The following TOLLIP variants were observed in gnomAD, a reference collection of about 807,000 sequenced individuals.
TOLLIP encodes toll interacting protein, also known as toll-interacting protein.
Under a neutral mutation model 33.5 loss-of-function variants are expected in TOLLIP, and 16 were observed. The ratio of observed to expected loss-of-function variants is 0.48; its 90% CI spans 0.32 to 0.72. The LOEUF is 0.72. TOLLIP is among the 30% of genes least tolerant of loss of function. TOLLIP has a pLI of 0.03. For missense variants in TOLLIP, 325 were observed against 396.6 expected (o/e 0.82, Z 1.53); for synonymous variants, 176 against 163.7 (o/e 1.07, Z -0.57).
At chr11:1,295,463 C>T (rs767333579) in intron 2 of TOLLIP, 182 bp downstream of exon 2, 329 of 730,794 alleles carry the variant, frequency 4.5e-4, no homozygotes, top group Non-Finnish European at 5.7e-4. Context: ...TGGTAGAACC[C>T]GGGGTCAATG....
rs1554945256 is a variant in TOLLIP, at chr11:1,287,423, CCCTCCCCGCCGCAG to C, written c.519+1187_519+1200del. Among the ~76,000 whole-genome samples, 48 of 46,856 alleles carry C rather than the reference CCCTCCCCGCCGCAG, an allele frequency of 1.0e-3. 2 individuals are homozygous for C. The highest frequency in any genetic ancestry group is 1.9e-3 in the South Asian group (2 of 1,044). The allele number at this position is 46,856 out of a possible 152,430, so 30.7% of individuals were successfully genotyped here. On this transcript the variant is annotated intron_variant, in intron 4 of 5. Transcript: ENST00000317204. ...TCCCCGCCGCAGCCTCCCCGCCGCACCCTCCCCGCCGCAGCCTCCCCGCCGCACCCTCCCCGCCG... is the reference window on the plus strand; with the variant it reads ...TCCCCGCCGCAGCCTCCCCGCCGCACCCTCCCCGCCGCACCCTCCCCGCCG...
At position 1,309,626 on chromosome 11, in the gene TOLLIP, C is replaced by G. The variant is rs1590236113; in HGVS notation, c.-128G>C. On this transcript the variant is annotated 5_prime_UTR_variant, in exon 1 of 6. Transcript: ENST00000317204. ...GGCCGCCGCCGCCACAGTCAGCTGACAGCCGCCGCGCCCCGCCCCCGGCAC... is the reference window on the plus strand; with the variant it reads ...GGCCGCCGCCGCCACAGTCAGCTGAGAGCCGCCGCGCCCCGCCCCCGGCAC... The G allele has an allele frequency of 8.4e-6, 3 of 355,848 alleles. No homozygotes were observed. Among genetic ancestry groups the G allele is most frequent in the African/African-American group, 6.5e-5 (3 of 46,220 alleles). 22.0% of individuals were successfully genotyped at this position (355,848 alleles called of 1,614,324 possible).
intron 5 of TOLLIP, among the ~76,000 whole-genome samples, chr11:1,280,448 G>A (rs1863456316): frequency 6.6e-6 from 1 of 152,164 alleles, no homozygotes; most frequent in Non-Finnish European, 1.5e-5. Flanking sequence ...AGAAACCAGT[G>A]GGGGTTGTGC....
rs768744957 is a variant in TOLLIP, at chr11:1,276,849, G to A, written c.*190C>T. 9.7e-5 allele frequency: 148 copies of A among 1,533,246 alleles called. No homozygotes were observed. Among genetic ancestry groups the A allele is most frequent in the Non-Finnish European group, 1.2e-4 (134 of 1,145,294 alleles). The allele number at this position is 1,533,246 out of a possible 1,614,324, so 95.0% of individuals were successfully genotyped here. A position where few individuals can be genotyped will look rare whatever the true frequency, so the allele number is the denominator to read the frequency against. On this transcript the variant is annotated 3_prime_UTR_variant, in exon 6 of 6. Coordinates refer to ENST00000317204, the MANE Select transcript of TOLLIP (RefSeq NM_019009.4). ...GAGATGGGAGGGGAGCCCCCGCCCC[G>A]TCCTGGACCGCCAGGAACCGAAAAC... is the stretch of plus-strand genomic sequence containing the variant.
At chr11:1,285,699 G>C (rs919345938) in intron 5 of TOLLIP, among the ~76,000 whole-genome samples, 10 of 151,592 alleles carry the variant, frequency 6.6e-5, no homozygotes, top group Middle Eastern at 6.8e-3. Flanking sequence ...ACAGAGCTGG[G>C]CACAACGGGG....
intron 1 of TOLLIP, among the ~76,000 whole-genome samples, chr11:1,297,300 C>T (rs981819469): frequency 1.3e-5 from 2 of 152,174 alleles, no homozygotes. Flanking sequence ...ACCTGCTGTG[C>T]TCTGGGCGCC....
At chr11:1,294,210 CA>C (rs1864038749) in intron 2 of TOLLIP, among the ~76,000 whole-genome samples, 1 of 142,424 alleles carries the variant, frequency 7.0e-6, no homozygotes, top group Admixed American at 7.0e-5. Context: ...GTGTGGCTCA[CA>C]GTGTGTCTCC....
In TOLLIP at chr11:1,282,376, C is replaced by T. The variant is rs142306287; in HGVS notation, c.610+3626G>A. Among the ~76,000 whole-genome samples the T allele has an allele frequency of 3.2e-3, 489 of 152,148 alleles. 4 individuals are homozygous for T. Among genetic ancestry groups the T allele is most frequent in the African/African-American group, 0.011 (467 of 41,482 alleles). ...AGGAGAAATACCTAATGTTAAATGA[C>T]GAGTCAATGGGTGCAGCACACCAAC... On this transcript the variant is annotated intron_variant, in intron 5 of 5. Transcript: ENST00000317204.
intron 1 of TOLLIP, among the ~76,000 whole-genome samples, chr11:1,306,453 C>A (rs1052311777): frequency 6.6e-6 from 1 of 152,134 alleles, no homozygotes; most frequent in African/African-American, 2.4e-5. Context: ...GAGTCCTGCC[C>A]CCGGACCCTG....
chr11:1,300,953 T>C (rs1864257442), intron 1 of TOLLIP, among the ~76,000 whole-genome samples: 1 of 152,274 alleles, frequency 6.6e-6, no homozygotes, highest in African/African-American at 2.4e-5. Flanking sequence ...TGTGTCTGTG[T>C]GCCACGCATG....
chr11:1,309,510 G>A lies in TOLLIP; in HGVS notation c.-12C>T, dbSNP rs1414006456. 1 of 1,299,716 alleles carries A rather than the reference G, an allele frequency of 7.7e-7. No homozygotes were observed. Among genetic ancestry groups the A allele is most frequent in the Non-Finnish European group, 9.8e-7 (1 of 1,016,994 alleles). The allele number at this position is 1,299,716 out of a possible 1,614,324, so 80.5% of individuals were successfully genotyped here. ...ACGGTGGTCGCCATGGTGCTGCGGC[G>A]GCCCCCGTGGCTCGCCGACCCGACA... On this transcript the variant is annotated 5_prime_UTR_variant, in exon 1 of 6. Coordinates refer to ENST00000317204, the MANE Select transcript of TOLLIP (RefSeq NM_019009.4).
intron 1 of TOLLIP, among the ~76,000 whole-genome samples, chr11:1,304,126 G>A (rs532022421): frequency 2.6e-5 from 4 of 151,376 alleles, no homozygotes; most frequent in Non-Finnish European, 4.4e-5. Flanking sequence ...GGCCAAAAAC[G>A]AAGGAAAGCC....
At chr11:1,302,229 A>G (rs1364880905) in intron 1 of TOLLIP, among the ~76,000 whole-genome samples, 1 of 152,234 alleles carries the variant, frequency 6.6e-6, no homozygotes, top group Non-Finnish European at 1.5e-5. Flanking sequence ...GGCGTGCAAG[A>G]GGGCGGGAAC....
intron 1 of TOLLIP, among the ~76,000 whole-genome samples, chr11:1,300,824 C>T (rs1427582072): frequency 2.6e-5 from 4 of 152,220 alleles, no homozygotes; most frequent in Non-Finnish European, 5.9e-5. Context: ...GCTGGCCACA[C>T]GCAGGCGGCA....
intron 5 of TOLLIP, among the ~76,000 whole-genome samples, chr11:1,281,040 G>C (rs751847765): frequency 5.3e-5 from 8 of 152,242 alleles, no homozygotes; most frequent in Non-Finnish European, 1.2e-4. Context: ...CATGCTTCAT[G>C]AGGCCACGCG....
intron 1 of TOLLIP, among the ~76,000 whole-genome samples, chr11:1,304,126 G>T (rs532022421): frequency 6.6e-6 from 1 of 151,376 alleles, no homozygotes; most frequent in East Asian, 1.9e-4. Context: ...GGCCAAAAAC[G>T]AAGGAAAGCC....
At chr11:1,283,641 T>C (rs1863580321) in intron 5 of TOLLIP, 2 of 449,364 alleles carry the variant, frequency 4.5e-6, no homozygotes, top group South Asian at 3.2e-5. Flanking sequence ...TTTCCTAAAA[T>C]AAACGTTTTA....
At chr11:1,293,669 G>A (rs925968895) in intron 2 of TOLLIP, among the ~76,000 whole-genome samples, 1 of 152,262 alleles carries the variant, frequency 6.6e-6, no homozygotes, top group Non-Finnish European at 1.5e-5. Flanking sequence ...TCCAGGGTGC[G>A]GGAGAGGACC....
At position 1,302,889 on chromosome 11, in the gene TOLLIP, G is replaced by A. The variant is rs568354113; in HGVS notation, c.33+6577C>T. On this transcript the variant is annotated intron_variant, in intron 1 of 5. Transcript: ENST00000317204. ...AGCCCTCGCTGAGCACTCATTCGCC[G>A]TGCCTTGTCTCCCCTTCCGGGGCCT... 4.0e-3 allele frequency: 2,773 copies of A among 699,242 alleles called. 2 individuals carry two copies. Among genetic ancestry groups the A allele is most frequent in the Non-Finnish European group, 4.6e-3 (2,609 of 568,574 alleles). 43.3% of individuals were successfully genotyped at this position (699,242 alleles called of 1,614,324 possible).
Sources: allele counts gnomAD v4.1 joint callset (sites outside exome capture counted in the v4.1 genomes callset), GRCh38; gene constraint gnomAD v4.1.1; transcripts MANE v1.5; gene names NCBI Gene and HGNC (gene_info 2026-07-23, HGNC 2026-07-21).